EIF2B3: variants seen among roughly 807,000 people sequenced by gnomAD.
The protein encoded by EIF2B3 is translation initiation factor eIF2B subunit gamma.
In EIF2B3, 20 loss-of-function variants were observed where a neutral mutation model predicts 54.1. The ratio of observed to expected loss-of-function variants is 0.37; its 90% confidence interval spans 0.26 to 0.54. The LOEUF is 0.54. Ranked by LOEUF, EIF2B3 falls within the 20% of genes least tolerant of loss-of-function variation. The pLI is 0.86. For missense variants in EIF2B3, 448 were observed against 547.8 expected (o/e 0.82, Z 1.82); for synonymous variants, 153 against 188.1 (o/e 0.81, Z 1.52).
intron 3 of EIF2B3, among the ~76,000 whole-genome samples, chr1:44,946,444 C>CTT (rs758880130): frequency 7.1e-6 from 1 of 140,320 alleles, no homozygotes; most frequent in Non-Finnish European, 1.5e-5. Flanking sequence ...TTCATAATAC[C>CTT]TTTTTTTTTT....
chr1:44,973,959 C>T (rs2148961889), intron 3 of EIF2B3, among the ~76,000 whole-genome samples: 1 of 152,186 alleles, frequency 6.6e-6, no homozygotes, highest in East Asian at 1.9e-4. Context: ...CTTCTCATTA[C>T]CCTAATGGAA....
intron 6 of EIF2B3, among the ~76,000 whole-genome samples, chr1:44,884,376 C>G (rs1012885937): frequency 1.3e-5 from 2 of 152,178 alleles, no homozygotes; most frequent in Non-Finnish European, 2.9e-5. Flanking sequence ...ATTCAAAGCT[C>G]TGCATGCTGA....
At chr1:44,898,880 C>A (rs1023228247) in intron 5 of EIF2B3, among the ~76,000 whole-genome samples, 1 of 152,060 alleles carries the variant, frequency 6.6e-6, no homozygotes, top group Non-Finnish European at 1.5e-5. Flanking sequence ...TTGGTAGAGA[C>A]AAGGTCTCGC....
At chr1:44,921,250 T>C (rs1643732549) in intron 5 of EIF2B3, among the ~76,000 whole-genome samples, 1 of 152,248 alleles carries the variant, frequency 6.6e-6, no homozygotes, top group South Asian at 2.1e-4. Flanking sequence ...GGTTTTCTCC[T>C]ATAGAGTTGT....
At chr1:44,918,465 C>T (rs1167429535) in intron 5 of EIF2B3, among the ~76,000 whole-genome samples, 8 of 151,762 alleles carry the variant, frequency 5.3e-5, no homozygotes. Flanking sequence ...GCTTGGCTTA[C>T]TGTAACCTCC....
At chr1:44,885,925 TTA>T (rs1655567485) in intron 6 of EIF2B3, among the ~76,000 whole-genome samples, 1 of 149,546 alleles carries the variant, frequency 6.7e-6, no homozygotes, top group African/African-American at 2.5e-5. Context: ...TTTTGTATTT[TTA>T]GTAGAGATGG....
chr1:44,914,180 G>A (rs1273826637), intron 5 of EIF2B3, among the ~76,000 whole-genome samples: 1 of 140,204 alleles, frequency 7.1e-6, no homozygotes, highest in Non-Finnish European at 1.5e-5. Context: ...TTTTTTTTGA[G>A]GCAGAGTTCC....
rs139816435 is a variant in EIF2B3, at chr1:44,957,123, G to C, written c.295-15458C>G. Reference sequence around the variant, plus strand: ...CCACAAAAAAGAAAAAAAATTAGCCGGGTATGGTGACGTGTGCCTGTATTT... The same window carrying C: ...CCACAAAAAAGAAAAAAAATTAGCCCGGTATGGTGACGTGTGCCTGTATTT... On this transcript the variant is annotated intron_variant, in intron 3 of 11. Transcript: ENST00000360403. Among the ~76,000 whole-genome samples the C allele has an allele frequency of 2.6e-3, 393 of 152,222 alleles. 2 individuals carry two copies. Among genetic ancestry groups the C allele is most frequent in the African/African-American group, 9.0e-3 (374 of 41,538 alleles).
intron 10 of EIF2B3, among the ~76,000 whole-genome samples, chr1:44,867,384 A>C (rs1654814726): frequency 6.6e-6 from 1 of 152,104 alleles, no homozygotes; most frequent in African/African-American, 2.4e-5. Context: ...CTTTCTCTGA[A>C]TAGTCTCGCC....
At chr1:44,918,980 C>T (rs1386731759) in intron 5 of EIF2B3, among the ~76,000 whole-genome samples, 1 of 152,214 alleles carries the variant, frequency 6.6e-6, no homozygotes, top group African/African-American at 2.4e-5. Flanking sequence ...CTAACCTCAT[C>T]TCATCATTCC....
chr1:44,945,646 C>A (rs965028352), intron 3 of EIF2B3, among the ~76,000 whole-genome samples: 1 of 148,996 alleles, frequency 6.7e-6, no homozygotes, highest in Admixed American at 6.7e-5. Flanking sequence ...CAAACGTGAA[C>A]AAATCAGACC....
At chr1:44,950,585 T>G (rs925391573) in intron 3 of EIF2B3, among the ~76,000 whole-genome samples, 5 of 152,120 alleles carry the variant, frequency 3.3e-5, no homozygotes, top group African/African-American at 1.2e-4. Flanking sequence ...GAACAAAGCT[T>G]GAACTATTGA....
At chr1:44,883,978 A>T (rs1655494898) in intron 6 of EIF2B3, among the ~76,000 whole-genome samples, 1 of 152,188 alleles carries the variant, frequency 6.6e-6, no homozygotes, top group Non-Finnish European at 1.5e-5. Flanking sequence ...AGCTGGGACC[A>T]CAGGCATGTG....
intron 3 of EIF2B3, among the ~76,000 whole-genome samples, chr1:44,948,328 C>A (rs1421761526): frequency 6.6e-6 from 1 of 152,164 alleles, no homozygotes; most frequent in African/African-American, 2.4e-5. Context: ...TCCTTCCTCT[C>A]CTGCCCTGTC....
At position 44,881,283 on chromosome 1, in the gene EIF2B3, G is replaced by A. The variant is rs1027015660; in HGVS notation, c.784+329C>T. Among the ~76,000 whole-genome samples, 2 of 152,170 alleles carry A rather than the reference G, an allele frequency of 1.3e-5. No individual in the cohort carries two copies. The highest frequency in any genetic ancestry group is 4.8e-5 in the African/African-American group (2 of 41,440). ...GTTGAGTTTAATCAGGAACGGGGCT[G>A]CCTAGAGCCTAGAGAACAGGGGAAC... On this transcript the variant is annotated intron_variant, in intron 7 of 11. Coordinates refer to ENST00000360403, the MANE Select transcript of EIF2B3 (RefSeq NM_020365.5). This position sits in a 1 kb window ranked among gnomAD's most constrained non-coding sequence, Gnocchi z 4.0.
At chr1:44,956,365 G>T (rs981326440) in intron 3 of EIF2B3, among the ~76,000 whole-genome samples, 1 of 152,108 alleles carries the variant, frequency 6.6e-6, no homozygotes, top group Non-Finnish European at 1.5e-5. Context: ...GGCCTGTCGG[G>T]GGGTGGGGGG....
chr1:44,971,758 T>A (rs1272600304), intron 3 of EIF2B3, among the ~76,000 whole-genome samples: 1 of 152,020 alleles, frequency 6.6e-6, no homozygotes, highest in Non-Finnish European at 1.5e-5. Flanking sequence ...ATAGGCTGGG[T>A]GAGGTGGCTC....
chr1:44,973,262 C>T (rs188260956), intron 3 of EIF2B3, among the ~76,000 whole-genome samples: 92 of 152,328 alleles, frequency 6.0e-4, no homozygotes, highest in African/African-American at 2.1e-3. Context: ...TTCACAGCTG[C>T]ATTATTCACA....
At chr1:44,877,191 AT>A (rs1395870767) in intron 8 of EIF2B3, among the ~76,000 whole-genome samples, 2 of 131,508 alleles carry the variant, frequency 1.5e-5, no homozygotes, top group African/African-American at 3.2e-5. Flanking sequence ...AGAATGATCA[AT>A]AAAAAAAAAA....
Sources: gnomAD v4.1 joint callset for allele counts (sites outside exome capture counted in the v4.1 genomes callset) on GRCh38, gnomAD v4.1.1 for gene constraint, Gnocchi (gnomAD v3.1) non-coding constraint, MANE v1.5 for transcripts, NCBI Gene and HGNC (gene_info 2026-07-23, HGNC 2026-07-21) for gene names.